The following CACNA2D3 variants were observed in gnomAD, a reference collection of about 807,000 sequenced individuals.
CACNA2D3 encodes voltage-dependent calcium channel subunit alpha-2/delta-3.
CACNA2D3 carries 60 observed loss-of-function variants against 160.6 expected under a neutral mutation model. That is an observed-to-expected ratio of 0.37 (90% CI 0.30 to 0.46). CACNA2D3 has a LOEUF of 0.46. Among genes scored for constraint, CACNA2D3 ranks in the 20% least tolerant of loss-of-function variants. The pLI, the probability that CACNA2D3 is intolerant of heterozygous loss-of-function variation, is 1.00. For synonymous variants in CACNA2D3, 558 were observed against 492.9 expected (o/e 1.13, Z -1.75); for missense variants, 1,205 against 1,365.0 (o/e 0.88, Z 1.85).
intron 35 of CACNA2D3, among the ~76,000 whole-genome samples, chr3:55,067,102 G>A (rs547774687): frequency 7.6e-4 from 107 of 140,162 alleles, no homozygotes; most frequent in African/African-American, 3.0e-3. Flanking sequence ...CTTTTGTAGC[G>A]GGGGGGGCTT....
intron 13 of CACNA2D3, among the ~76,000 whole-genome samples, chr3:54,802,716 G>A (rs1328114836): frequency 6.6e-6 from 1 of 152,140 alleles, no homozygotes; most frequent in Non-Finnish European, 1.5e-5. Flanking sequence ...GGTTCTCCCA[G>A]CATGCAGCTG....
intron 13 of CACNA2D3, among the ~76,000 whole-genome samples, chr3:54,778,207 CTG>C (rs1038523141): frequency 2.1e-4 from 32 of 152,174 alleles, no homozygotes; most frequent in African/African-American, 7.0e-4. Flanking sequence ...CACTCACTCA[CTG>C]TGAGGAGAAC....
rs1428509954 is a variant in CACNA2D3, at chr3:54,871,544, AGAAGGAAAAAAGC to A, written c.1641_1653del (p.Lys547AsnfsTer21). The A allele has an allele frequency of 1.9e-6, 3 of 1,612,156 alleles. No individual in the cohort carries two copies. Among genetic ancestry groups the A allele is most frequent in the Non-Finnish European group, 2.5e-6 (3 of 1,178,448 alleles). ...TTTCTTCTTCCCCTTGCTAGTACGAAGAAGGAAAAAAGCGAAGGAAACCTAACTATAGTAGCGT... is the reference window on the plus strand; with the variant it reads ...TTTCTTCTTCCCCTTGCTAGTACGAAGAAGGAAACCTAACTATAGTAGCGT... On this transcript the variant is annotated frameshift_variant, in exon 18 of 38. Transcript: ENST00000474759. LOFTEE classifies it high-confidence loss of function.
At chr3:54,909,010 CAT>C (rs1461090994) in intron 27 of CACNA2D3, among the ~76,000 whole-genome samples, 2 of 152,190 alleles carry the variant, frequency 1.3e-5, no homozygotes, top group African/African-American at 4.8e-5. Context: ...CCTATTTAAA[CAT>C]GTTTCTATAA....
intron 11 of CACNA2D3, among the ~76,000 whole-genome samples, chr3:54,683,522 A>C (rs1024647889): frequency 6.6e-6 from 1 of 152,196 alleles, no homozygotes; most frequent in African/African-American, 2.4e-5. Flanking sequence ...CTTTGACTAT[A>C]AAATGGAAAT....
chr3:54,749,683 C>T (rs1207658226), intron 11 of CACNA2D3, among the ~76,000 whole-genome samples: 2 of 152,176 alleles, frequency 1.3e-5, no homozygotes, highest in East Asian at 1.9e-4. Flanking sequence ...AGATGTAGGA[C>T]GTGAACCCAG....
At chr3:54,759,199 C>T (rs1702035912) in intron 12 of CACNA2D3, among the ~76,000 whole-genome samples, 1 of 152,134 alleles carries the variant, frequency 6.6e-6, no homozygotes, top group Admixed American at 6.5e-5. Context: ...TGGCTAACTT[C>T]AGCATTAATT....
chr3:54,341,855 G>A (rs544965118), intron 3 of CACNA2D3, among the ~76,000 whole-genome samples: 2 of 152,210 alleles, frequency 1.3e-5, no homozygotes, highest in East Asian at 1.9e-4. Context: ...TGAGTACTTA[G>A]CATAGTGCCT....
In CACNA2D3 at chr3:55,004,621, T is replaced by G. The variant is rs951220890; in HGVS notation, c.2691-142T>G. 6.7e-6 allele frequency: 4 copies of G among 597,380 alleles called. No homozygotes were observed. The Admixed American group carries it at 1.2e-4, about 19-fold the overall frequency. 37.0% of individuals were successfully genotyped at this position (597,380 alleles called of 1,614,324 possible). ...CAGCACTGGCCTTTGCCAGGCTCCT[T>G]GTTCATCATCCATGTTAGGGCTGCA... On this transcript the variant is annotated intron_variant, in intron 31 of 37. Transcript: ENST00000474759.
At chr3:54,352,789 G>C (rs1698586530) in intron 3 of CACNA2D3, among the ~76,000 whole-genome samples, 1 of 152,208 alleles carries the variant, frequency 6.6e-6, no homozygotes, top group Non-Finnish European at 1.5e-5. Flanking sequence ...CAGAAGTCTT[G>C]GGATACAGTT....
At chr3:54,319,200 A>T (rs575204371) in intron 2 of CACNA2D3, among the ~76,000 whole-genome samples, 5 of 104,930 alleles carry the variant, frequency 4.8e-5, no homozygotes, top group African/African-American at 1.7e-4. Flanking sequence ...ACACACACAC[A>T]CCCTTCCTCG....
chr3:54,846,314 A>G lies in CACNA2D3; in HGVS notation c.1552-79A>G. 7 of 857,790 alleles carry G rather than the reference A, an allele frequency of 8.2e-6. No individual in the cohort carries two copies. In the South Asian group the frequency reaches 9.6e-5, roughly 12 times the overall value. 53.1% of individuals were successfully genotyped at this position (857,790 alleles called of 1,614,324 possible). A position where few individuals can be genotyped will look rare whatever the true frequency, so the allele number is the denominator to read the frequency against. ...TGACAAGTTAAAGCTGTAAATTACT[A>G]AATGCCGGGCTGCTTTATGCTTTGT... On this transcript the variant is annotated intron_variant, in intron 16 of 37. Transcript: ENST00000474759.
intron 13 of CACNA2D3, among the ~76,000 whole-genome samples, chr3:54,797,123 G>C (rs1345193778): frequency 2.0e-5 from 3 of 152,230 alleles, no homozygotes; most frequent in Non-Finnish European, 4.4e-5. Flanking sequence ...GATGCTCTCT[G>C]TCTTGAAGGC....
intron 30 of CACNA2D3, among the ~76,000 whole-genome samples, chr3:54,986,084 C>G (rs1194552636): frequency 2.0e-5 from 3 of 152,120 alleles, no homozygotes; most frequent in Non-Finnish European, 4.4e-5. Context: ...CAAGAATACA[C>G]ATTAGTTGCC....
intron 4 of CACNA2D3, among the ~76,000 whole-genome samples, chr3:54,475,594 A>G (rs1387606645): frequency 1.3e-5 from 2 of 152,138 alleles, no homozygotes; most frequent in Non-Finnish European, 2.9e-5. Context: ...TTCCCCCAAG[A>G]TCAACTATTA....
At chr3:54,238,317 A>G (rs757839006) in intron 2 of CACNA2D3, among the ~76,000 whole-genome samples, 2 of 152,186 alleles carry the variant, frequency 1.3e-5, no homozygotes, top group African/African-American at 4.8e-5. Context: ...TGAGTTGTCA[A>G]TCACCTGTGC....
At chr3:54,541,733 G>T (rs1701982700) in intron 5 of CACNA2D3, among the ~76,000 whole-genome samples, 1 of 152,182 alleles carries the variant, frequency 6.6e-6, no homozygotes, top group Non-Finnish European at 1.5e-5. Context: ...GATGAAGAAA[G>T]ACTGAGGATC....
chr3:54,213,744 G>T (rs1293199467), intron 2 of CACNA2D3, among the ~76,000 whole-genome samples: 1 of 152,188 alleles, frequency 6.6e-6, no homozygotes, highest in Non-Finnish European at 1.5e-5. Context: ...ACTAGGAAAA[G>T]ATAAATATGG....
At chr3:54,830,414 G>T (rs771676359) in intron 14 of CACNA2D3, among the ~76,000 whole-genome samples, 1 of 151,398 alleles carries the variant, frequency 6.6e-6, no homozygotes, top group South Asian at 2.1e-4. Context: ...CTTCAGTTGG[G>T]TAGGTAACTA....
Sources: gnomAD v4.1 joint callset for allele counts (sites outside exome capture counted in the v4.1 genomes callset) on GRCh38, gnomAD v4.1.1 for gene constraint, MANE v1.5 for transcripts, NCBI Gene and HGNC (gene_info 2026-07-23, HGNC 2026-07-21) for gene names.